Variants in SEC24B observed in about 807,000 individuals in gnomAD.
SEC24B encodes protein transport protein Sec24B.
SEC24B carries 45 observed loss-of-function variants against 142.8 expected under a neutral mutation model. That is an observed-to-expected ratio of 0.32 (90% CI 0.25 to 0.40). SEC24B has a LOEUF of 0.40. Ranked by LOEUF, SEC24B falls within the 10% of genes least tolerant of loss-of-function variation. The probability of loss-of-function intolerance (pLI) is 1.00; values close to 1 mark genes in which losing one functional copy is unlikely to be tolerated. For missense variants in SEC24B, 1,409 were observed against 1,526.8 expected (o/e 0.92, Z 1.29); for synonymous variants, 574 against 568.2 (o/e 1.01, Z -0.15).
chr4:109,461,075 T>C (rs763052172), intron 1 of SEC24B, among the ~76,000 whole-genome samples: 62 of 152,170 alleles, frequency 4.1e-4, no homozygotes, highest in Non-Finnish European at 8.5e-4. Context: ...AGGCTAATTT[T>C]CTACTGTGTG....
intron 5 of SEC24B, among the ~76,000 whole-genome samples, chr4:109,491,711 A>T (rs537438845): frequency 6.6e-6 from 1 of 151,910 alleles, no homozygotes; most frequent in South Asian, 2.1e-4. Flanking sequence ...TAAATTTTAT[A>T]TTTCTATTGT....
intron 6 of SEC24B, among the ~76,000 whole-genome samples, chr4:109,500,760 T>A (rs536359361): frequency 6.6e-6 from 1 of 151,898 alleles, no homozygotes; most frequent in African/African-American, 2.4e-5. Flanking sequence ...CTCAAGCAAT[T>A]CTCTTGCCTC....
chr4:109,467,465 A>G (rs189010537), intron 2 of SEC24B, among the ~76,000 whole-genome samples: 3 of 152,244 alleles, frequency 2.0e-5, no homozygotes, highest in Non-Finnish European at 4.4e-5. Context: ...TAAAACTGTC[A>G]CTGTAGTTGA....
chr4:109,478,017 CA>C (rs1476050015), intron 3 of SEC24B, among the ~76,000 whole-genome samples: 1 of 152,110 alleles, frequency 6.6e-6, no homozygotes, highest in African/African-American at 2.4e-5. Context: ...CATGGTGGCT[CA>C]CGCCTGTAAT....
Position 109,521,118 on chromosome 4 carries a change from T to C in SEC24B, c.2247T>C (p.Asp749=), listed in dbSNP as rs1490281842. The C allele has an allele frequency of 1.3e-6, 2 of 1,496,332 alleles. No individual in the cohort carries two copies. Among genetic ancestry groups the C allele is most frequent in the African/African-American group, 2.8e-5 (2 of 72,194 alleles). The allele number at this position is 1,496,332 out of a possible 1,614,324, so 92.7% of individuals were successfully genotyped here. The part of the protein sequence containing the change: ...PQMLIVSDID[D]VFLPTPDSLL... ...TTAAAATATGTGTTTTCCCTATAGA[T>C]GTTTTTCTACCTACACCGGATAGTT... is the stretch of plus-strand genomic sequence containing the variant. The change falls in exon 13 of 24, where the codon GAT becomes GAC. Residue 749 remains aspartate, a splice_region_variant and synonymous_variant. Transcript: ENST00000265175.
intron 18 of SEC24B, among the ~76,000 whole-genome samples, chr4:109,528,119 A>T (rs1724465368): frequency 6.6e-6 from 1 of 152,170 alleles, no homozygotes; most frequent in Non-Finnish European, 1.5e-5. Context: ...TGCATAGGCC[A>T]GGTGTGGTGG....
chr4:109,490,285 C>G (rs1015183772), intron 4 of SEC24B, among the ~76,000 whole-genome samples: 3 of 150,838 alleles, frequency 2.0e-5, no homozygotes, highest in Non-Finnish European at 4.4e-5. Flanking sequence ...CAAAAAACAT[C>G]AGCTATTATG....
chr4:109,493,720 C>T (rs1578890930), intron 5 of SEC24B, among the ~76,000 whole-genome samples: 1 of 151,748 alleles, frequency 6.6e-6, no homozygotes, highest in Non-Finnish European at 1.5e-5. Flanking sequence ...CCTCAGCCTC[C>T]TGAGTAGCTG....
chr4:109,529,692 G>C (rs1724679682), intron 18 of SEC24B, among the ~76,000 whole-genome samples: 1 of 152,174 alleles, frequency 6.6e-6, no homozygotes, highest in Admixed American at 6.5e-5. Flanking sequence ...GGCTTTTTCA[G>C]AAGTAAATGG....
intron 6 of SEC24B, among the ~76,000 whole-genome samples, chr4:109,497,540 A>ACCATTCCC (rs2126016217): frequency 6.7e-6 from 1 of 148,226 alleles, no homozygotes; most frequent in African/African-American, 2.6e-5. Context: ...TTAGAAAGCA[A>ACCATTCCC]CCATTCCCAC....
chr4:109,441,006 A>G (rs574665576), intron 1 of SEC24B, among the ~76,000 whole-genome samples: 1 of 152,352 alleles, frequency 6.6e-6, no homozygotes, highest in South Asian at 2.1e-4. Context: ...GTAATAGGCC[A>G]TCTATTTTAG....
chr4:109,500,333 C>G (rs145577557), intron 6 of SEC24B, among the ~76,000 whole-genome samples: 3,375 of 152,082 alleles, frequency 0.022, 68 homozygotes, highest in Middle Eastern at 0.038. Flanking sequence ...CACCTGAGGT[C>G]AGGAGTTTGA....
chr4:109,494,974 T>C, intron 6 of SEC24B, 118 bp downstream of exon 6: 1 of 1,185,936 alleles, frequency 8.4e-7, no homozygotes, highest in Non-Finnish European at 1.2e-6. Context: ...CATGTCAGCC[T>C]AGATCAAACA....
intron 3 of SEC24B, among the ~76,000 whole-genome samples, chr4:109,474,721 A>C (rs976309126): frequency 2.0e-5 from 3 of 152,154 alleles, no homozygotes; most frequent in African/African-American, 7.2e-5. Context: ...CACCACGCCC[A>C]GCCCCTATCA....
rs73838805 is a variant in SEC24B at position 109,502,786 on chromosome 4, T to C, written c.1489-3542T>C. On this transcript the variant is annotated intron_variant, in intron 6 of 23. Transcript: ENST00000265175. ...ATACTTCAAGCAAGAATGTATTTAA[T>C]TGCCCCTTTCTCTATATTGTGAAGT... 8.9e-4 allele frequency among the ~76,000 whole-genome samples: 136 copies of C among 152,346 alleles called. 2 individuals carry two copies. Among genetic ancestry groups the C allele is most frequent in the African/African-American group, 3.0e-3 (126 of 41,580 alleles).
At chr4:109,509,988 T>C in intron 7 of SEC24B, 21 bp from the exon 8 acceptor site, 1 of 1,453,848 alleles carries the variant, frequency 6.9e-7, no homozygotes, top group Non-Finnish European at 9.5e-7. Flanking sequence ...ATATCCTCCA[T>C]GTTGTTTATG....
In SEC24B at chr4:109,454,018, C is replaced by A. The variant is rs532387510; in HGVS notation, c.134-8883C>A. On this transcript the variant is annotated intron_variant, in intron 1 of 23. Transcript: ENST00000265175. ...GATTACAGGCATGCGCCACCACACC[C>A]GTTTAATTTTTGTATTTTTAGTAGA... is the stretch of plus-strand genomic sequence containing the variant. Among the ~76,000 whole-genome samples, 3 of 152,138 alleles carry A rather than the reference C, an allele frequency of 2.0e-5. No homozygotes were observed. In the South Asian group the frequency reaches 6.2e-4, roughly 32 times the overall value.
chr4:109,478,927 C>G (rs1298577535), intron 3 of SEC24B, among the ~76,000 whole-genome samples: 1 of 152,114 alleles, frequency 6.6e-6, no homozygotes, highest in Non-Finnish European at 1.5e-5. Context: ...AGTGTGTACA[C>G]CTAGTTTCCA....
chr4:109,513,958 C>G, intron 10 of SEC24B, 102 bp downstream of exon 10: 1 of 716,602 alleles, frequency 1.4e-6, no homozygotes, highest in Non-Finnish European at 2.4e-6. Flanking sequence ...GTTGTTTATA[C>G]TCATAATTTT....
Sources: allele counts gnomAD v4.1 joint callset (sites outside exome capture counted in the v4.1 genomes callset), GRCh38; gene constraint gnomAD v4.1.1; transcripts MANE v1.5; gene names NCBI Gene and HGNC (gene_info 2026-07-23, HGNC 2026-07-21).